PTBP2: variants seen among roughly 807,000 people sequenced by gnomAD.
PTBP2 encodes polypyrimidine tract binding protein 2, also known as polypyrimidine tract-binding protein 2.
PTBP2 carries 13 observed loss-of-function variants against 61.4 expected under a neutral mutation model. That is an observed-to-expected ratio of 0.21 (90% CI 0.14 to 0.34). PTBP2 has a LOEUF of 0.34. Ranked by LOEUF, PTBP2 falls within the 10% of genes least tolerant of loss-of-function variation. The probability of loss-of-function intolerance (pLI) is 1.00; values close to 1 mark genes in which losing one functional copy is unlikely to be tolerated. For missense variants in PTBP2, 405 were observed against 642.6 expected, an observed-to-expected ratio of 0.63 and a Z score of 4.00; for synonymous variants, 215 against 218.5, an observed-to-expected ratio of 0.98 and a Z score of 0.14.
At chr1:96,736,077 G>A (rs1372972544) in intron 2 of PTBP2, among the ~76,000 whole-genome samples, 1 of 152,192 alleles carries the variant, frequency 6.6e-6, no homozygotes, top group Non-Finnish European at 1.5e-5. Flanking sequence ...AGTGAAAATA[G>A]CTGCCCACCT....
intron 8 of PTBP2, among the ~76,000 whole-genome samples, chr1:96,792,436 G>T (rs1659945613): frequency 1.3e-5 from 2 of 152,144 alleles, no homozygotes; most frequent in South Asian, 4.1e-4. Flanking sequence ...CTGAAAGCCA[G>T]GTAGTCTGGT....
chr1:96,731,078 G>A (rs765826205), intron 2 of PTBP2, among the ~76,000 whole-genome samples: 2 of 152,078 alleles, frequency 1.3e-5, no homozygotes, highest in African/African-American at 2.4e-5. Flanking sequence ...AATGACAATG[G>A]AGGATACTCG....
chr1:96,736,636 G>A (rs993987983), intron 2 of PTBP2, among the ~76,000 whole-genome samples: 4 of 152,092 alleles, frequency 2.6e-5, no homozygotes, highest in African/African-American at 9.7e-5. Flanking sequence ...TAATATTTTG[G>A]TATTTTGGGT....
intron 2 of PTBP2, among the ~76,000 whole-genome samples, chr1:96,742,228 T>C (rs1653128613): frequency 6.6e-6 from 1 of 152,170 alleles, no homozygotes; most frequent in East Asian, 1.9e-4. Flanking sequence ...AATTTTCCAC[T>C]TTCTTCTTCA....
chr1:96,740,507 A>G (rs565924541), intron 2 of PTBP2, among the ~76,000 whole-genome samples: 21 of 152,234 alleles, frequency 1.4e-4, no homozygotes, highest in African/African-American at 5.1e-4. Context: ...ATTGCATCAC[A>G]TTTGGGGTTA....
At chr1:96,751,754 T>G (rs2100913462) in intron 3 of PTBP2, among the ~76,000 whole-genome samples, 1 of 152,202 alleles carries the variant, frequency 6.6e-6, no homozygotes, top group African/African-American at 2.4e-5. Flanking sequence ...TAATTCTGTC[T>G]CACATTATAG....
intron 11 of PTBP2, among the ~76,000 whole-genome samples, chr1:96,811,541 T>C (rs1355122718): frequency 3.9e-5 from 6 of 152,034 alleles, no homozygotes; most frequent in African/African-American, 1.4e-4. Context: ...CTCAGCCTCC[T>C]GAGTAACTGG....
chr1:96,791,450 T>G (rs866216936), intron 8 of PTBP2, among the ~76,000 whole-genome samples: 3 of 152,278 alleles, frequency 2.0e-5, no homozygotes, highest in Middle Eastern at 3.4e-3. Context: ...GCTTCTAAGT[T>G]TTTGGGTTTC....
intron 3 of PTBP2, among the ~76,000 whole-genome samples, chr1:96,767,222 A>G (rs1177658981): frequency 6.6e-6 from 1 of 152,152 alleles, no homozygotes; most frequent in Non-Finnish European, 1.5e-5. Context: ...TATCCAGAAA[A>G]CATCCAACAC....
intron 7 of PTBP2, among the ~76,000 whole-genome samples, chr1:96,781,481 A>G (rs1211718778): frequency 3.3e-5 from 5 of 151,912 alleles, no homozygotes; most frequent in Admixed American, 2.0e-4. Flanking sequence ...AATAGCTTGC[A>G]TATACTGTAT....
intron 2 of PTBP2, among the ~76,000 whole-genome samples, chr1:96,747,438 A>T (rs1653983033): frequency 6.6e-6 from 1 of 152,050 alleles, no homozygotes; most frequent in South Asian, 2.1e-4. Flanking sequence ...AAGATACTAT[A>T]TTTTCTTCTG....
At chr1:96,770,939 C>A in intron 5 of PTBP2, 88 bp downstream of exon 5, 1 of 1,162,344 alleles carries the variant, frequency 8.6e-7, no homozygotes, top group Admixed American at 2.2e-5. Flanking sequence ...TTTACCTGTT[C>A]AGATGTTCCT....
intron 5 of PTBP2, among the ~76,000 whole-genome samples, chr1:96,772,566 C>T (rs1482946407): frequency 1.3e-5 from 2 of 152,092 alleles, no homozygotes; most frequent in East Asian, 3.9e-4. Flanking sequence ...TCACCCCTTC[C>T]CTGTTCACTC....
chr1:96,731,256 C>T (rs1651369614), intron 2 of PTBP2, among the ~76,000 whole-genome samples: 2 of 151,996 alleles, frequency 1.3e-5, no homozygotes, highest in Non-Finnish European at 2.9e-5. Context: ...TACTGAAAAC[C>T]ACAATGCCAG....
At chr1:96,757,753 A>G (rs1308426780) in intron 3 of PTBP2, among the ~76,000 whole-genome samples, 2 of 152,176 alleles carry the variant, frequency 1.3e-5, no homozygotes, top group African/African-American at 4.8e-5. Flanking sequence ...GTGGAATTAA[A>G]TTAGAAATCA....
chr1:96,805,356 A>C (rs1173546288), intron 9 of PTBP2, among the ~76,000 whole-genome samples: 1 of 151,824 alleles, frequency 6.6e-6, no homozygotes, highest in Non-Finnish European at 1.5e-5. Context: ...TTTAAATCTT[A>C]TTTTATGTGA....
chr1:96,819,440 C>A (rs1662602291), downstream of PTBP2: 1 of 151,976 alleles, frequency 6.6e-6, no homozygotes, highest in African/African-American at 2.4e-5. Context: ...ACCCCCATTT[C>A]TCTCTCAACC....
At chr1:96,778,671 G>A (rs150242722) in intron 7 of PTBP2, among the ~76,000 whole-genome samples, 6,223 of 151,850 alleles carry the variant, frequency 0.041, 191 homozygotes, top group Non-Finnish European at 0.063. Context: ...TCATTATTAA[G>A]CCATTATTAT....
At chr1:96,775,527 G>GTA (rs1196658447) in intron 5 of PTBP2, among the ~76,000 whole-genome samples, 1 of 152,162 alleles carries the variant, frequency 6.6e-6, no homozygotes, top group Admixed American at 6.5e-5. Flanking sequence ...CCAAACCAAA[G>GTA]TAGAATACAT....
Sources: gnomAD v4.1 joint callset for allele counts (sites outside exome capture counted in the v4.1 genomes callset) on GRCh38, gnomAD v4.1.1 for gene constraint, MANE v1.5 for transcripts, NCBI Gene and HGNC (gene_info 2026-07-23, HGNC 2026-07-21) for gene names.